Variants in SAMD5 observed in about 807,000 individuals in gnomAD.
SAMD5 encodes sterile alpha motif domain-containing protein 5.
SAMD5 carries 13 observed loss-of-function variants against 11.3 expected under a neutral mutation model. The observed-to-expected ratio is 1.15, with a 90% CI of 0.75 to 1.83. The LOEUF (loss-of-function observed/expected upper bound fraction) is 1.83. Ranked by LOEUF, SAMD5 falls within the 40% of genes most tolerant of loss-of-function variation. The pLI is 0.00. For synonymous variants in SAMD5, 129 were observed against 111.3 expected (o/e 1.16, Z -1.00); for missense variants, 255 against 239.1 (o/e 1.07, Z -0.44).
intron 1 of SAMD5, among the ~76,000 whole-genome samples, chr6:147,628,911 C>G (rs1042895372): frequency 6.6e-6 from 1 of 152,082 alleles, no homozygotes; most frequent in Non-Finnish European, 1.5e-5. Context: ...AATGCATTCT[C>G]CAGTGGAATG....
downstream of SAMD5, among the ~76,000 whole-genome samples, chr6:147,570,325 G>C (rs1789118389): frequency 6.6e-6 from 1 of 152,160 alleles, no homozygotes; most frequent in Non-Finnish European, 1.5e-5. Flanking sequence ...ATGGGATGGT[G>C]GGGGCTGTCG....
chr6:147,796,699 G>T, the SAMD5 span, among the ~76,000 whole-genome samples: 1 of 152,162 alleles, frequency 6.6e-6, no homozygotes, highest in African/African-American at 2.4e-5. Context: ...CTACCCATGA[G>T]CATGGAATGT....
chr6:147,844,137 A>G, the SAMD5 span, among the ~76,000 whole-genome samples: 2 of 152,328 alleles, frequency 1.3e-5, no homozygotes, highest in South Asian at 4.1e-4. Context: ...AACTCAAACT[A>G]CTCAATAACA....
Position 147,590,061 on chromosome 6 carries a change from C to T in SAMD5, c.162+80674C>T, listed in dbSNP as rs530931920. Among the ~76,000 whole-genome samples the T allele has an allele frequency of 5.9e-5, 9 of 152,246 alleles. No individual in the cohort carries two copies. The South Asian group carries it at 1.9e-3, about 32-fold the overall frequency. The stretch of plus-strand genomic sequence containing the variant: ...TTAAAAATCTAGCAAAATGCCAGCA[C>T]ATTTCAAATAAGATGCAAATATGAA... On this transcript the variant is annotated intron_variant, in intron 1 of 1. Coordinates refer to the SAMD5 transcript ENST00000566741.
Position 147,590,319 on chromosome 6 carries a change from GAA to G in SAMD5, c.162+80934_162+80935del, listed in dbSNP as rs370245151. On this transcript the variant is annotated intron_variant, in intron 1 of 1. Transcript: ENST00000566741. ...TTTTATTTACTTAATGTTTCTCAAA[GAA>G]ACCCGTGATAGCTGGGTCTGTGTTT... 5.1e-4 allele frequency among the ~76,000 whole-genome samples: 78 copies of G among 152,238 alleles called. 1 individual carries two copies. The highest frequency in any genetic ancestry group is 1.8e-3 in the African/African-American group (74 of 41,550).
chr6:147,777,492 T>C, the SAMD5 span, among the ~76,000 whole-genome samples: 22 of 152,154 alleles, frequency 1.4e-4, no homozygotes, highest in Non-Finnish European at 5.9e-5. Context: ...CAGTCTCTTC[T>C]TTTAGCTCTC....
At chr6:147,690,314 A>G (rs1174555457) in intron 1 of SAMD5, among the ~76,000 whole-genome samples, 1 of 152,236 alleles carries the variant, frequency 6.6e-6, no homozygotes, top group Non-Finnish European at 1.5e-5. Flanking sequence ...TTGTAGGCTA[A>G]TGCTGACCTA....
intron 1 of SAMD5, among the ~76,000 whole-genome samples, chr6:147,536,485 G>C (rs560856159): frequency 3.9e-5 from 6 of 151,972 alleles, no homozygotes; most frequent in Non-Finnish European, 8.8e-5. Context: ...GAAAACAAAA[G>C]GTTTAGCAAT....
chr6:147,747,895 A>G, the SAMD5 span, among the ~76,000 whole-genome samples: 128 of 152,234 alleles, frequency 8.4e-4, 2 homozygotes, highest in Non-Finnish European at 3.5e-4. Context: ...TCCAAAAGTA[A>G]TTGTTTTTTT....
chr6:147,733,775 G>A, intron 1 of SAMD5: 3 of 979,172 alleles, frequency 3.1e-6, no homozygotes, highest in Non-Finnish European at 3.6e-6. Flanking sequence ...GGCACATATG[G>A]TTATCACAGA....
chr6:147,698,638 A>G (rs936443274), intron 1 of SAMD5, among the ~76,000 whole-genome samples: 4 of 152,308 alleles, frequency 2.6e-5, no homozygotes, highest in Non-Finnish European at 5.9e-5. Context: ...ACATTTACAC[A>G]AAGGATCTAC....
At chr6:147,615,742 A>G (rs1038831387) in intron 1 of SAMD5, among the ~76,000 whole-genome samples, 1 of 152,232 alleles carries the variant, frequency 6.6e-6, no homozygotes, top group Non-Finnish European at 1.5e-5. Context: ...GTATAAACAT[A>G]TCTTCCTCAA....
chr6:147,899,779 T>C, the SAMD5 span, among the ~76,000 whole-genome samples: 13 of 152,218 alleles, frequency 8.5e-5, no homozygotes, highest in African/African-American at 3.1e-4. Context: ...TAGTTGAAAT[T>C]AATTTACACA....
intron 1 of SAMD5, among the ~76,000 whole-genome samples, chr6:147,734,852 G>A (rs950840388): frequency 2.0e-5 from 3 of 151,452 alleles, no homozygotes; most frequent in Non-Finnish European, 2.9e-5. Context: ...GTGAACTAAT[G>A]GTATTTTAAG....
At chr6:147,592,209 C>T (rs844575) in intron 1 of SAMD5, among the ~76,000 whole-genome samples, 1 of 151,934 alleles carries the variant, frequency 6.6e-6, no homozygotes, top group East Asian at 1.9e-4. Flanking sequence ...GGTTGGTCTC[C>T]AACTGCTAGG....
the SAMD5 span, among the ~76,000 whole-genome samples, chr6:147,863,621 A>AT: frequency 2.8e-4 from 41 of 146,882 alleles, 1 homozygote; most frequent in Middle Eastern, 7.1e-3. Context: ...CTTTTATGGC[A>AT]TTTTTTTTTT....
At chr6:147,697,312 G>A (rs1441240346) in intron 1 of SAMD5, among the ~76,000 whole-genome samples, 1 of 152,150 alleles carries the variant, frequency 6.6e-6, no homozygotes, top group Non-Finnish European at 1.5e-5. Context: ...AGAATTTCTT[G>A]AATAGTTTTG....
the SAMD5 span, among the ~76,000 whole-genome samples, chr6:147,784,135 G>A: frequency 1.3e-5 from 2 of 152,164 alleles, no homozygotes; most frequent in Non-Finnish European, 2.9e-5. Context: ...AACGGTGGTA[G>A]AAGAGAAAAA....
At chr6:147,848,872 A>G in the SAMD5 span, among the ~76,000 whole-genome samples, 1 of 152,340 alleles carries the variant, frequency 6.6e-6, no homozygotes, top group Non-Finnish European at 1.5e-5. Context: ...AAATTCCCTT[A>G]GGCATTTGAA....
Sources: allele counts gnomAD v4.1 joint callset (sites outside exome capture counted in the v4.1 genomes callset), GRCh38; gene constraint gnomAD v4.1.1; transcripts MANE v1.5; gene names NCBI Gene and HGNC (gene_info 2026-07-23, HGNC 2026-07-21).